MEI4: variants seen among roughly 807,000 people sequenced by gnomAD.
The protein encoded by MEI4 is meiotic double-stranded break formation protein 4.
Under a neutral mutation model 31.4 loss-of-function variants are expected in MEI4, and 27 were observed. The ratio of observed to expected loss-of-function variants is 0.86; its 90% CI spans 0.63 to 1.19. MEI4 has a LOEUF of 1.19. Among genes scored for constraint, MEI4 ranks in the 50% most tolerant of loss-of-function variants. The pLI, the probability that MEI4 is intolerant of heterozygous loss-of-function variation, is 0.00. For synonymous variants in MEI4, 122 were observed against 145.4 expected (o/e 0.84, Z 1.16); for missense variants, 329 against 398.9 (o/e 0.82, Z 1.49).
At chr6:77,751,035 T>A (rs1447257427) in intron 2 of MEI4, among the ~76,000 whole-genome samples, 1 of 151,984 alleles carries the variant, frequency 6.6e-6, no homozygotes, top group Admixed American at 6.6e-5. Flanking sequence ...AATAATGAAA[T>A]GAAGGCAGAA....
At chr6:77,877,927 T>C (rs2127727642) in intron 4 of MEI4, among the ~76,000 whole-genome samples, 1 of 152,194 alleles carries the variant, frequency 6.6e-6, no homozygotes, top group Non-Finnish European at 1.5e-5. Flanking sequence ...ATTGGTACTT[T>C]TCACAAGGGA....
chr6:77,706,899 C>T (rs1008743033), intron 2 of MEI4, among the ~76,000 whole-genome samples: 4 of 152,090 alleles, frequency 2.6e-5, no homozygotes, highest in African/African-American at 4.8e-5. Context: ...TATAGAACCA[C>T]GAACCAAATA....
chr6:77,761,360 C>G lies in MEI4; in HGVS notation c.463C>G (p.Gln155Glu). 8.1e-7 allele frequency: 1 copy of G among 1,232,392 alleles called. No homozygotes were observed. The highest frequency in any genetic ancestry group is 4.1e-5 in the South Asian group (1 of 24,318). The allele number at this position is 1,232,392 out of a possible 1,614,324, so 76.3% of individuals were successfully genotyped here. The change falls in exon 3 of 5, where the codon CAA (glutamine) becomes GAA (glutamate). Residue 155 changes from glutamine (Q) to glutamate (E), a missense_variant. Physicochemically the swap from Gln to Glu is conservative, Grantham distance 29. Transcript: ENST00000684080. The part of the protein sequence containing the change: ...NPLSSHMQFL[Q>E]YLLELKNLTE... ...TTTGTCTTCTCACATGCAATTCTTG[C>G]AATATCTACTTGAATTAAAGAACTT...
chr6:77,852,445 C>T (rs778116202), intron 4 of MEI4, among the ~76,000 whole-genome samples: 1 of 152,134 alleles, frequency 6.6e-6, no homozygotes, highest in Non-Finnish European at 1.5e-5. Context: ...AGATTGTGAA[C>T]CATACTTTGG....
At chr6:77,910,819 T>C (rs1366613186) in intron 4 of MEI4, among the ~76,000 whole-genome samples, 1 of 152,106 alleles carries the variant, frequency 6.6e-6, no homozygotes, top group Non-Finnish European at 1.5e-5. Context: ...TTCTATTTTT[T>C]GTTTTTTTGA....
chr6:77,811,657 C>T (rs1769576553), intron 3 of MEI4, among the ~76,000 whole-genome samples: 1 of 151,866 alleles, frequency 6.6e-6, no homozygotes, highest in African/African-American at 2.4e-5. Flanking sequence ...CACCTTTAAT[C>T]CCAGCTACTG....
chr6:77,703,930 G>A (rs1191879467), intron 2 of MEI4, among the ~76,000 whole-genome samples: 1 of 152,166 alleles, frequency 6.6e-6, no homozygotes, highest in African/African-American at 2.4e-5. Context: ...TGTGAGGGCG[G>A]GGGTTGGTAG....
chr6:77,890,988 A>G (rs888018166), intron 4 of MEI4, among the ~76,000 whole-genome samples: 1 of 152,182 alleles, frequency 6.6e-6, no homozygotes, highest in African/African-American at 2.4e-5. Flanking sequence ...TCTTTCCTTT[A>G]AAAATTATCC....
At chr6:77,883,192 T>G (rs962605481) in intron 4 of MEI4, among the ~76,000 whole-genome samples, 25 of 152,288 alleles carry the variant, frequency 1.6e-4, no homozygotes, top group African/African-American at 6.0e-4. Flanking sequence ...AATGTATACA[T>G]AATTGTACAT....
intron 1 of MEI4, among the ~76,000 whole-genome samples, chr6:77,686,884 T>TTTTTTTTTTTTTTTG: frequency 1.3e-5 from 2 of 151,122 alleles, no homozygotes; most frequent in Non-Finnish European, 3.0e-5. Flanking sequence ...TCTTTTTTTT[T>TTTTTTTTTTTTTTTG]GTAGATGTTT....
At chr6:77,921,477 C>T (rs1766701803) in intron 4 of MEI4, among the ~76,000 whole-genome samples, 1 of 151,746 alleles carries the variant, frequency 6.6e-6, no homozygotes. Flanking sequence ...GCTGTTTCCC[C>T]TTCTTATTAT....
intron 3 of MEI4, among the ~76,000 whole-genome samples, chr6:77,783,945 GCAATTA>G (rs1768664094): frequency 6.6e-6 from 1 of 152,042 alleles, no homozygotes; most frequent in Non-Finnish European, 1.5e-5. Flanking sequence ...AGCAATTATA[GCAATTA>G]TAGCAATCTA....
intron 4 of MEI4, among the ~76,000 whole-genome samples, chr6:77,904,282 A>AT (rs1443346622): frequency 6.6e-6 from 1 of 152,168 alleles, no homozygotes; most frequent in Non-Finnish European, 1.5e-5. Context: ...TTTTAAGCTG[A>AT]TAACAACGTA....
intron 2 of MEI4, among the ~76,000 whole-genome samples, chr6:77,715,712 T>G (rs900602692): frequency 3.9e-5 from 6 of 152,200 alleles, no homozygotes; most frequent in Admixed American, 1.3e-4. Context: ...GTGTTAGCTA[T>G]GGAATCACGT....
chr6:77,886,440 T>TTTTG (rs1771621012), intron 4 of MEI4, among the ~76,000 whole-genome samples: 2 of 52,142 alleles, frequency 3.8e-5, no homozygotes, highest in African/African-American at 7.4e-5. Context: ...GTTTTGTTTT[T>TTTTG]TTTTTTATGA....
At chr6:77,843,860 A>G (rs1280095935) in intron 4 of MEI4, among the ~76,000 whole-genome samples, 1 of 152,112 alleles carries the variant, frequency 6.6e-6, no homozygotes, top group Non-Finnish European at 1.5e-5. Context: ...TAAGACAGAC[A>G]TGTAATAGAG....
intron 1 of MEI4, among the ~76,000 whole-genome samples, chr6:77,680,468 A>G (rs1768936779): frequency 6.6e-6 from 1 of 152,058 alleles, no homozygotes; most frequent in African/African-American, 2.4e-5. Context: ...GGGGATACTT[A>G]TTCACAGAAC....
At chr6:77,740,424 C>T (rs187357034) in intron 2 of MEI4, among the ~76,000 whole-genome samples, 15 of 152,268 alleles carry the variant, frequency 9.9e-5, no homozygotes, top group Admixed American at 9.2e-4. Context: ...AAGTCTCCCA[C>T]TATTACTGCA....
At position 77,864,513 on chromosome 6, in the gene MEI4, T is replaced by C. The variant is rs867069850; in HGVS notation, c.900+35451T>C. ...CATTACATAATGGTAAAAGGATCAA[T>C]TCAACAAGAAGAGCTAACTCTTCTA... On this transcript the variant is annotated intron_variant, in intron 4 of 4. Coordinates refer to ENST00000684080, the MANE Select transcript of MEI4 (RefSeq NM_001322247.2). Among the ~76,000 whole-genome samples, 84 of 152,264 alleles carry C rather than the reference T, an allele frequency of 5.5e-4. 1 individual carries two copies. The highest frequency in any genetic ancestry group is 2.0e-3 in the African/African-American group (82 of 41,540).
Sources: allele counts gnomAD v4.1 joint callset (sites outside exome capture counted in the v4.1 genomes callset), GRCh38; gene constraint gnomAD v4.1.1; transcripts MANE v1.5; gene names NCBI Gene and HGNC (gene_info 2026-07-23, HGNC 2026-07-21).